MIS18A: variants seen among roughly 807,000 people sequenced by gnomAD.
MIS18A encodes the protein protein Mis18-alpha.
A neutral mutation model predicts 25.0 loss-of-function variants in MIS18A; 14 were observed. The observed-to-expected ratio is 0.56, with a 90% CI of 0.37 to 0.88. MIS18A has a LOEUF of 0.88. MIS18A is among the 40% of genes least tolerant of loss of function. MIS18A has a pLI of 0.00. For synonymous variants in MIS18A, 134 were observed against 118.6 expected (o/e 1.13, Z -0.84); for missense variants, 292 against 290.8 (o/e 1.00, Z -0.03).
chr21:32,212,684 A>G, the MIS18A span, among the ~76,000 whole-genome samples: 1 of 152,184 alleles, frequency 6.6e-6, no homozygotes, highest in East Asian at 1.9e-4. Context: ...TTGAATTATA[A>G]TAATCCCCAC....
intron 2 of MIS18A, among the ~76,000 whole-genome samples, chr21:32,274,352 G>A (rs1475524007): frequency 1.3e-5 from 2 of 151,510 alleles, no homozygotes; most frequent in Non-Finnish European, 2.9e-5. Flanking sequence ...TTACAGGCCC[G>A]CACCACCATG....
At chr21:32,165,189 T>G in the MIS18A span, among the ~76,000 whole-genome samples, 1 of 151,874 alleles carries the variant, frequency 6.6e-6, no homozygotes, top group Non-Finnish European at 1.5e-5. Flanking sequence ...GAAAATTAGC[T>G]GGGCATGGTG....
chr21:32,174,825 C>T, the MIS18A span, among the ~76,000 whole-genome samples: 2 of 152,150 alleles, frequency 1.3e-5, no homozygotes, highest in African/African-American at 4.8e-5. Context: ...TATACATTCC[C>T]TTCTCAAGGA....
the MIS18A span, among the ~76,000 whole-genome samples, chr21:32,188,163 T>C: frequency 2.3e-3 from 347 of 152,336 alleles, no homozygotes; most frequent in Non-Finnish European, 4.1e-3. Flanking sequence ...GAAAAGTAAA[T>C]GTCTGTTGTT....
chr21:32,184,577 G>A, the MIS18A span, among the ~76,000 whole-genome samples: 9 of 152,078 alleles, frequency 5.9e-5, no homozygotes, highest in African/African-American at 1.7e-4. Flanking sequence ...CCTGATATCC[G>A]TGATATGTGA....
the MIS18A span, among the ~76,000 whole-genome samples, chr21:32,205,347 G>T: frequency 6.6e-6 from 1 of 151,812 alleles, no homozygotes; most frequent in African/African-American, 2.4e-5. Flanking sequence ...CTTGTGATCT[G>T]CCCGCTCGGC....
chr21:32,160,083 A>G, the MIS18A span, among the ~76,000 whole-genome samples: 1 of 152,188 alleles, frequency 6.6e-6, no homozygotes, highest in East Asian at 1.9e-4. Flanking sequence ...ATGGCAAGGA[A>G]ATACATTTTG....
chr21:32,208,752 TTAAC>T, the MIS18A span, among the ~76,000 whole-genome samples: 1 of 152,180 alleles, frequency 6.6e-6, no homozygotes, highest in African/African-American at 2.4e-5. Context: ...TAGTTTCTCT[TTAAC>T]TACTCAGCAT....
the MIS18A span, among the ~76,000 whole-genome samples, chr21:32,213,126 T>A: frequency 6.6e-6 from 1 of 152,146 alleles, no homozygotes; most frequent in East Asian, 1.9e-4. Flanking sequence ...AACCAAATTT[T>A]AAAAAAATGC....
At chr21:32,270,904 C>A (rs767672046) in intron 2 of MIS18A, among the ~76,000 whole-genome samples, 3 of 152,212 alleles carry the variant, frequency 2.0e-5, no homozygotes, top group Non-Finnish European at 2.9e-5. Context: ...AACGGAAGCA[C>A]CTATAGACAA....
chr21:32,178,901 G>C, the MIS18A span, among the ~76,000 whole-genome samples: 2 of 151,852 alleles, frequency 1.3e-5, no homozygotes, highest in Non-Finnish European at 2.9e-5. Flanking sequence ...ATTTCTCTCT[G>C]CTGCACTTTC....
At chr21:32,227,282 G>A in the MIS18A span, among the ~76,000 whole-genome samples, 17 of 151,630 alleles carry the variant, frequency 1.1e-4, no homozygotes, top group African/African-American at 3.6e-4. Flanking sequence ...AGTAGAAGTT[G>A]ATAAGATCAA....
At chr21:32,206,970 A>C in the MIS18A span, among the ~76,000 whole-genome samples, 1 of 152,090 alleles carries the variant, frequency 6.6e-6, no homozygotes, top group Non-Finnish European at 1.5e-5. Flanking sequence ...GCCACCCACC[A>C]CGGCTGCCAG....
the MIS18A span, among the ~76,000 whole-genome samples, chr21:32,176,544 C>CA: frequency 6.6e-6 from 1 of 152,070 alleles, no homozygotes; most frequent in Admixed American, 6.5e-5. Context: ...CATGACCTAT[C>CA]AAAACTTGTG....
chr21:32,271,992 T>C (rs1285463332), intron 2 of MIS18A, among the ~76,000 whole-genome samples: 1 of 152,280 alleles, frequency 6.6e-6, no homozygotes, highest in African/African-American at 2.4e-5. Context: ...TATCCCGAGT[T>C]ATCAAAATCA....
At chr21:32,180,506 G>A in the MIS18A span, among the ~76,000 whole-genome samples, 1 of 152,104 alleles carries the variant, frequency 6.6e-6, no homozygotes, top group Non-Finnish European at 1.5e-5. Context: ...TGAATGCATT[G>A]TTGTTTCTAA....
chr21:32,160,436 T>C, the MIS18A span, among the ~76,000 whole-genome samples: 3 of 151,918 alleles, frequency 2.0e-5, no homozygotes, highest in Admixed American at 1.3e-4. Flanking sequence ...TTTGCCAAGA[T>C]TGAGGATGGG....
At chr21:32,276,371 G>A (rs1252973911) in intron 1 of MIS18A, among the ~76,000 whole-genome samples, 2 of 142,750 alleles carry the variant, frequency 1.4e-5, no homozygotes, top group Non-Finnish European at 3.0e-5. Context: ...TGAGGCAGGA[G>A]AATAGCGTGA....
intron 2 of MIS18A, among the ~76,000 whole-genome samples, chr21:32,271,545 T>C (rs2833752): frequency 0.061 from 9,306 of 152,322 alleles, 370 homozygotes; most frequent in Middle Eastern, 0.13. Context: ...TTCTCACTGA[T>C]GATGTGATTA....
Sources: allele counts gnomAD v4.1 joint callset (sites outside exome capture counted in the v4.1 genomes callset), GRCh38; gene constraint gnomAD v4.1.1; transcripts MANE v1.5; gene names NCBI Gene and HGNC (gene_info 2026-07-23, HGNC 2026-07-21).